Variants in B3GAT2 observed in about 807,000 individuals in gnomAD.
B3GAT2 encodes the protein galactosylgalactosylxylosylprotein 3-beta-glucuronosyltransferase 2.
B3GAT2 carries 26 observed loss-of-function variants against 27.8 expected under a neutral mutation model. That is an observed-to-expected ratio of 0.93 (90% confidence interval 0.68 to 1.30). B3GAT2 has a LOEUF of 1.30. Among genes scored for constraint, B3GAT2 ranks in the 50% most tolerant of loss-of-function variants. B3GAT2 has a pLI of 0.00. For synonymous variants in B3GAT2, 218 were observed against 195.1 expected (o/e 1.12, Z -0.98); for missense variants, 458 against 459.0 (o/e 1.00, Z 0.02).
chr6:70,940,000 G>A (rs567656930), intron 1 of B3GAT2, among the ~76,000 whole-genome samples: 13 of 152,142 alleles, frequency 8.5e-5, no homozygotes, highest in African/African-American at 3.1e-4. Context: ...AGAAAATGTT[G>A]GGGACCACTG....
Position 70,857,303 on chromosome 6 carries a change from G to C in B3GAT2, c.*4360C>G. 1 of 265,022 alleles carries C rather than the reference G, an allele frequency of 3.8e-6. No individual in the cohort carries two copies. Among genetic ancestry groups the C allele is most frequent in the East Asian group, 6.6e-5 (1 of 15,126 alleles). The allele number at this position is 265,022 out of a possible 1,614,324, so 16.4% of individuals were successfully genotyped here. A position where few individuals can be genotyped will look rare whatever the true frequency, so the allele number is the denominator to read the frequency against. On this transcript the variant is annotated 3_prime_UTR_variant, in exon 4 of 4. Coordinates refer to ENST00000230053, the MANE Select transcript of B3GAT2 (RefSeq NM_080742.3). ...AGCTTATAGAACATGGATTATCTTT[G>C]ATGAATTATTGAAACGATTTGCATG... is the stretch of plus-strand genomic sequence containing the variant.
At chr6:70,948,161 A>T (rs1173649359) in intron 1 of B3GAT2, among the ~76,000 whole-genome samples, 1 of 148,304 alleles carries the variant, frequency 6.7e-6, no homozygotes, top group Non-Finnish European at 1.5e-5. Flanking sequence ...TTCCCTTTGA[A>T]AACGGGCACA....
chr6:70,892,785 A>C (rs1772312932), intron 2 of B3GAT2, among the ~76,000 whole-genome samples: 1 of 152,188 alleles, frequency 6.6e-6, no homozygotes, highest in South Asian at 2.1e-4. Context: ...TTTTCAAAAG[A>C]TACACTATGC....
At chr6:70,883,054 T>G (rs905222946) in intron 2 of B3GAT2, among the ~76,000 whole-genome samples, 2 of 152,176 alleles carry the variant, frequency 1.3e-5, no homozygotes, top group Non-Finnish European at 2.9e-5. Flanking sequence ...TTAAAAAAAC[T>G]AATACAACAA....
rs374226519 is a variant in B3GAT2 at position 70,860,436 on chromosome 6, C to T, written c.*1227G>A. ...CATATGCATATTTTTTTTCTTTTTA[C>T]CCATTTGTTCATATTAAGAATGATC... On this transcript the variant is annotated 3_prime_UTR_variant, in exon 4 of 4. Transcript: ENST00000230053. 2.2e-6 allele frequency: 3 copies of T among 1,365,272 alleles called. No individual in the cohort carries two copies. The highest frequency in any genetic ancestry group is 3.0e-6 in the Non-Finnish European group (3 of 1,011,486). The allele number at this position is 1,365,272 out of a possible 1,614,324, so 84.6% of individuals were successfully genotyped here.
At chr6:70,943,495 C>T (rs777224281) in intron 1 of B3GAT2, among the ~76,000 whole-genome samples, 1 of 152,190 alleles carries the variant, frequency 6.6e-6, no homozygotes, top group African/African-American at 2.4e-5. Context: ...TGTATTTTCT[C>T]CCATTCTACC....
At chr6:70,873,462 T>G (rs1771968339) in intron 2 of B3GAT2, among the ~76,000 whole-genome samples, 1 of 152,140 alleles carries the variant, frequency 6.6e-6, no homozygotes, top group Non-Finnish European at 1.5e-5. Context: ...GAGCCTTTGT[T>G]AATCATATTC....
intron 1 of B3GAT2, among the ~76,000 whole-genome samples, chr6:70,923,960 A>G (rs1184042518): frequency 6.6e-6 from 1 of 152,164 alleles, no homozygotes; most frequent in South Asian, 2.1e-4. Context: ...GACATTTTTC[A>G]GAGACAGAAC....
intron 1 of B3GAT2, among the ~76,000 whole-genome samples, chr6:70,931,609 C>A (rs1281755826): frequency 2.0e-5 from 3 of 152,010 alleles, no homozygotes; most frequent in Non-Finnish European, 4.4e-5. Flanking sequence ...GTCTTTTTGA[C>A]AAATGCAGCT....
rs1377777778 is a variant in B3GAT2, at chr6:70,946,139, C to T, written c.591+9700G>A. ...AATCATGCCAAAACGTAAAGACCAT[C>T]GAGGCTAGGAAGAAACTGCATCAAC... On this transcript the variant is annotated intron_variant, in intron 1 of 3. Coordinates refer to ENST00000230053, the MANE Select transcript of B3GAT2 (RefSeq NM_080742.3). Among the ~76,000 whole-genome samples, 8 of 152,118 alleles carry T rather than the reference C, an allele frequency of 5.3e-5. No homozygotes were observed. The East Asian group carries it at 1.2e-3, about 22-fold the overall frequency.
intron 1 of B3GAT2, among the ~76,000 whole-genome samples, chr6:70,914,231 C>A (rs1396449409): frequency 3.7e-4 from 56 of 152,126 alleles, no homozygotes; most frequent in Admixed American, 3.6e-3. Context: ...ATGCTGCACC[C>A]ATCAACTCGT....
intron 2 of B3GAT2, among the ~76,000 whole-genome samples, chr6:70,893,224 C>T (rs1051847755): frequency 5.9e-5 from 9 of 152,138 alleles, no homozygotes; most frequent in Admixed American, 5.9e-4. Context: ...GTTCAGAAGA[C>T]AGCCTCCATC....
At chr6:70,933,066 T>C (rs1251724092) in intron 1 of B3GAT2, among the ~76,000 whole-genome samples, 1 of 152,192 alleles carries the variant, frequency 6.6e-6, no homozygotes, top group African/African-American at 2.4e-5. Context: ...CCCAAAGTGC[T>C]GGGATTATAA....
chr6:70,956,615 G>A lies in B3GAT2; in HGVS notation c.-186C>T. 1.4e-6 allele frequency: 2 copies of A among 1,431,606 alleles called. No homozygotes were observed. Among genetic ancestry groups the A allele is most frequent in the Non-Finnish European group, 1.8e-6 (2 of 1,099,528 alleles). The allele number at this position is 1,431,606 out of a possible 1,614,324, so 88.7% of individuals were successfully genotyped here. ...CTACCTGGGCGTGGAGGAGCGGCAG[G>A]TTCGCGCAAGCTAGAGCGACAAGGG... On this transcript the variant is annotated 5_prime_UTR_variant, in exon 1 of 4. Coordinates refer to ENST00000230053, the MANE Select transcript of B3GAT2 (RefSeq NM_080742.3).
chr6:70,881,586 TG>T (rs1375237375), intron 2 of B3GAT2, among the ~76,000 whole-genome samples: 1 of 152,104 alleles, frequency 6.6e-6, no homozygotes, highest in Non-Finnish European at 1.5e-5. Context: ...GCTTCACCAG[TG>T]GGCTGTGATA....
At chr6:70,906,154 C>T (rs1217051157) in intron 1 of B3GAT2, among the ~76,000 whole-genome samples, 2 of 152,138 alleles carry the variant, frequency 1.3e-5, no homozygotes, top group African/African-American at 4.8e-5. Context: ...CACACGAAAA[C>T]CAACGATCTA....
At chr6:70,945,830 G>A (rs1185444022) in intron 1 of B3GAT2, among the ~76,000 whole-genome samples, 9 of 151,444 alleles carry the variant, frequency 5.9e-5, no homozygotes, top group South Asian at 2.1e-4. Flanking sequence ...GAGAAAGGTC[G>A]GGTTACCCAC....
At chr6:70,883,368 G>A (rs555357770) in intron 2 of B3GAT2, among the ~76,000 whole-genome samples, 5 of 151,128 alleles carry the variant, frequency 3.3e-5, no homozygotes, top group African/African-American at 7.3e-5. Flanking sequence ...TGGACTATAC[G>A]TAACAATGGA....
rs1221286674 is a variant in B3GAT2 at position 70,861,423 on chromosome 6, A to AGTT, written c.*237_*239dup. 1.0e-5 allele frequency: 5 copies of AGTT among 492,392 alleles called. No individual in the cohort carries two copies. Among genetic ancestry groups the AGTT allele is most frequent in the Admixed American group, 6.7e-5 (2 of 30,070 alleles). 30.5% of individuals were successfully genotyped at this position (492,392 alleles called of 1,614,324 possible). A position where few individuals can be genotyped will look rare whatever the true frequency, so the allele number is the denominator to read the frequency against. On this transcript the variant is annotated 3_prime_UTR_variant, in exon 4 of 4. Coordinates refer to ENST00000230053, the MANE Select transcript of B3GAT2 (RefSeq NM_080742.3). ...ACTGTACAAAAAAATCTTCCAATTT[A>AGTT]GTTGTTGTAGAGAAAACATGCAGAA...
Sources: allele counts gnomAD v4.1 joint callset (sites outside exome capture counted in the v4.1 genomes callset), GRCh38; gene constraint gnomAD v4.1.1; transcripts MANE v1.5; gene names NCBI Gene and HGNC (gene_info 2026-07-23, HGNC 2026-07-21).